MAF: variants seen among roughly 807,000 people sequenced by gnomAD.
The protein encoded by MAF is transcription factor Maf.
MAF carries 10 observed loss-of-function variants against 22.0 expected under a neutral mutation model. That is an observed-to-expected ratio of 0.45 (90% CI 0.28 to 0.77). The LOEUF (loss-of-function observed/expected upper bound fraction) is 0.77, where lower values mean the gene tolerates loss of function less well. Ranked by LOEUF, MAF falls within the 30% of genes least tolerant of loss-of-function variation. The pLI is 0.12. For synonymous variants in MAF, 337 were observed against 255.8 expected (o/e 1.32, Z -3.03); for missense variants, 544 against 548.4 (o/e 0.99, Z 0.08).
chr16:79,464,864 A>G, the MAF span, among the ~76,000 whole-genome samples: 1 of 152,212 alleles, frequency 6.6e-6, no homozygotes, highest in African/African-American at 2.4e-5. Context: ...GTTTCCCACC[A>G]TGGCTTGTGT....
At chr16:79,467,058 T>A in the MAF span, among the ~76,000 whole-genome samples, 2 of 152,182 alleles carry the variant, frequency 1.3e-5, no homozygotes, top group Non-Finnish European at 2.9e-5. Context: ...CTTTTCAATA[T>A]TAGAATATGA....
chr16:79,383,116 G>C, the MAF span, among the ~76,000 whole-genome samples: 1 of 152,084 alleles, frequency 6.6e-6, no homozygotes, highest in Admixed American at 6.5e-5. Context: ...TAAACCACTG[G>C]AGAAATTTGA....
chr16:79,415,829 A>G, the MAF span, among the ~76,000 whole-genome samples: 96,088 of 151,422 alleles, frequency 0.63, 31,283 homozygotes, highest in East Asian at 0.89. Context: ...TATCTGTAAA[A>G]CAATGGCAAC....
the MAF span, among the ~76,000 whole-genome samples, chr16:79,393,645 T>A: frequency 3.0e-3 from 451 of 152,248 alleles, no homozygotes; most frequent in African/African-American, 0.01. Context: ...GGGATCTAGA[T>A]CAAGGATTAT....
chr16:79,422,162 A>G, the MAF span, among the ~76,000 whole-genome samples: 1 of 152,184 alleles, frequency 6.6e-6, no homozygotes, highest in Non-Finnish European at 1.5e-5. Flanking sequence ...TGGAAAAATG[A>G]AGCCTGAGCT....
the MAF span, among the ~76,000 whole-genome samples, chr16:79,493,550 G>C: frequency 6.6e-6 from 1 of 152,184 alleles, no homozygotes; most frequent in Non-Finnish European, 1.5e-5. Context: ...CTGATTTCAA[G>C]TGATTCTCCT....
chr16:79,503,544 T>C, the MAF span, among the ~76,000 whole-genome samples: 2 of 152,234 alleles, frequency 1.3e-5, no homozygotes, highest in East Asian at 1.9e-4. Context: ...AAATCAATGA[T>C]CATACTGCCT....
chr16:79,450,393 T>C, the MAF span, among the ~76,000 whole-genome samples: 1 of 152,216 alleles, frequency 6.6e-6, no homozygotes, highest in Non-Finnish European at 1.5e-5. Context: ...CAATGTAGAC[T>C]CTTGCAAAGA....
At chr16:79,326,744 A>G in the MAF span, among the ~76,000 whole-genome samples, 5 of 152,224 alleles carry the variant, frequency 3.3e-5, no homozygotes, top group Non-Finnish European at 5.9e-5. Context: ...TTTATTTACA[A>G]AAGTGGATGA....
chr16:79,271,745 T>G, the MAF span, among the ~76,000 whole-genome samples: 3 of 152,268 alleles, frequency 2.0e-5, no homozygotes, highest in African/African-American at 4.8e-5. Context: ...GGGATGTGAC[T>G]TGAGACATCT....
the MAF span, among the ~76,000 whole-genome samples, chr16:79,281,501 T>C: frequency 6.6e-6 from 1 of 151,614 alleles, no homozygotes. Flanking sequence ...TGTTTGTATA[T>C]GAAATCCCAT....
chr16:79,569,519 C>G, the MAF span, among the ~76,000 whole-genome samples: 1 of 152,176 alleles, frequency 6.6e-6, no homozygotes, highest in Non-Finnish European at 1.5e-5. Context: ...TCCAATATCA[C>G]CTGGAAACAG....
At chr16:79,396,084 G>A in the MAF span, among the ~76,000 whole-genome samples, 2 of 152,218 alleles carry the variant, frequency 1.3e-5, no homozygotes, top group Non-Finnish European at 2.9e-5. Context: ...AAGAGGAAAT[G>A]ACCCAAATCC....
chr16:79,420,868 T>C, the MAF span, among the ~76,000 whole-genome samples: 1 of 152,100 alleles, frequency 6.6e-6, no homozygotes, highest in Non-Finnish European at 1.5e-5. Context: ...CTGCCGTCTC[T>C]ACTAAAAACA....
At chr16:79,248,330 A>T in the MAF span, among the ~76,000 whole-genome samples, 4 of 152,012 alleles carry the variant, frequency 2.6e-5, no homozygotes, top group Non-Finnish European at 4.4e-5. Context: ...AATACAATAC[A>T]GTGTCTGCAA....
rs1454278081 is a variant in MAF, at chr16:79,594,276, G to A, written c.*184C>T. On this transcript the variant is annotated 3_prime_UTR_variant, in exon 2 of 2. Coordinates refer to ENST00000326043, the MANE Select transcript of MAF (RefSeq NM_005360.5). ...AAAAGCAGGAGTGCGCTTTCCTACC[G>A]GTCTCTATGAAACCCCCAGACAAGA... 2 of 624,386 alleles carry A rather than the reference G, an allele frequency of 3.2e-6. No homozygotes were observed. The highest frequency in any genetic ancestry group is 5.6e-6 in the Non-Finnish European group (2 of 356,676). The allele number at this position is 624,386 out of a possible 1,614,324, so 38.7% of individuals were successfully genotyped here. A position where few individuals can be genotyped will look rare whatever the true frequency, so the allele number is the denominator to read the frequency against.
At chr16:79,293,768 T>C in the MAF span, among the ~76,000 whole-genome samples, 2 of 152,158 alleles carry the variant, frequency 1.3e-5, no homozygotes, top group African/African-American at 2.4e-5. Context: ...CATCCCATTG[T>C]TGGATGCTAG....
At chr16:79,264,652 C>T in the MAF span, 2 of 152,286 alleles carry the variant, frequency 1.3e-5, no homozygotes, top group African/African-American at 2.4e-5. Flanking sequence ...CCTCTTAAGA[C>T]CTAGTCATCT....
the MAF span, among the ~76,000 whole-genome samples, chr16:79,308,898 T>C: frequency 2.0e-5 from 3 of 152,158 alleles, no homozygotes; most frequent in Admixed American, 2.0e-4. Flanking sequence ...CGGGAGAATA[T>C]AGGACTCCTG....
Sources: gnomAD v4.1 joint callset for allele counts (sites outside exome capture counted in the v4.1 genomes callset) on GRCh38, gnomAD v4.1.1 for gene constraint, MANE v1.5 for transcripts, NCBI Gene and HGNC (gene_info 2026-07-23, HGNC 2026-07-21) for gene names.